Variants in PTPRT observed in about 807,000 individuals in gnomAD.
PTPRT encodes the protein protein tyrosine phosphatase receptor type T, also known as receptor-type tyrosine-protein phosphatase T.
PTPRT carries 56 observed loss-of-function variants against 176.8 expected under a neutral mutation model. The ratio of observed to expected loss-of-function variants is 0.32; its 90% confidence interval spans 0.26 to 0.40. The LOEUF (loss-of-function observed/expected upper bound fraction) is 0.40, where lower values mean the gene tolerates loss of function less well. PTPRT is among the 10% of genes least tolerant of loss of function. The probability of loss-of-function intolerance (pLI) is 1.00; values close to 1 mark genes in which losing one functional copy is unlikely to be tolerated. For synonymous variants in PTPRT, 783 were observed against 739.0 expected (o/e 1.06, Z -0.96); for missense variants, 1,540 against 1,908.2 (o/e 0.81, Z 3.60).
the PTPRT span, among the ~76,000 whole-genome samples, chr20:42,033,192 C>T: frequency 6.6e-6 from 1 of 152,204 alleles, no homozygotes; most frequent in South Asian, 2.1e-4. Flanking sequence ...GGTGGGTTAT[C>T]TGAGTGAGGA....
intron 12 of PTPRT, among the ~76,000 whole-genome samples, chr20:42,284,671 C>G (rs1240832429): frequency 6.6e-6 from 1 of 152,004 alleles, no homozygotes; most frequent in Non-Finnish European, 1.5e-5. Flanking sequence ...GACACTGATA[C>G]TCTGTCTATT....
intron 15 of PTPRT, among the ~76,000 whole-genome samples, chr20:42,203,806 G>T (rs1239754604): frequency 6.6e-6 from 1 of 152,224 alleles, no homozygotes; most frequent in African/African-American, 2.4e-5. Flanking sequence ...CTGTTGCTAT[G>T]TAAGAGCTAG....
intron 7 of PTPRT, among the ~76,000 whole-genome samples, chr20:42,504,627 A>G (rs1412094335): frequency 6.6e-6 from 1 of 152,048 alleles, no homozygotes. Flanking sequence ...GCCTATTTGC[A>G]TTATTACATT....
intron 8 of PTPRT, among the ~76,000 whole-genome samples, chr20:42,459,752 A>G (rs1020968638): frequency 6.6e-6 from 1 of 152,116 alleles, no homozygotes; most frequent in Non-Finnish European, 1.5e-5. Context: ...GTGCAGTGGT[A>G]CAATCATGGC....
chr20:42,957,286 C>A (rs1328298625), intron 1 of PTPRT, among the ~76,000 whole-genome samples: 1 of 152,176 alleles, frequency 6.6e-6, no homozygotes, highest in Non-Finnish European at 1.5e-5. Context: ...ATTAGGGGCC[C>A]TCGTAAACGT....
At chr20:42,850,442 A>G (rs208262) in intron 2 of PTPRT, among the ~76,000 whole-genome samples, 77,299 of 152,070 alleles carry the variant, frequency 0.51, 19,820 homozygotes, top group East Asian at 0.6. Context: ...ATTTGTTAAC[A>G]TGAGATGGAC....
intron 7 of PTPRT, among the ~76,000 whole-genome samples, chr20:42,664,046 C>T (rs933485701): frequency 3.3e-5 from 5 of 152,142 alleles, no homozygotes; most frequent in African/African-American, 1.2e-4. Context: ...CCTGTAAGAA[C>T]CTGCTTTGTT....
intron 1 of PTPRT, among the ~76,000 whole-genome samples, chr20:42,949,548 T>C (rs1016312968): frequency 4.6e-5 from 7 of 152,220 alleles, no homozygotes; most frequent in African/African-American, 1.4e-4. Flanking sequence ...GTTCCAGTTA[T>C]ATGGATTCAT....
chr20:43,180,341 A>ATCTCTC (rs71193679), intron 1 of PTPRT, among the ~76,000 whole-genome samples: 4,037 of 114,976 alleles, frequency 0.035, 172 homozygotes, highest in South Asian at 0.09. Context: ...AAATGAATCA[A>ATCTCTC]TCTCTCTCTC....
At chr20:42,861,073 C>G (rs2078652640) in intron 2 of PTPRT, among the ~76,000 whole-genome samples, 1 of 152,218 alleles carries the variant, frequency 6.6e-6, no homozygotes. Context: ...CTTCCTTACT[C>G]TCTGCTTCTA....
At chr20:42,118,043 A>G (rs1402561159) in intron 21 of PTPRT, among the ~76,000 whole-genome samples, 1 of 152,228 alleles carries the variant, frequency 6.6e-6, no homozygotes, top group East Asian at 1.9e-4. Context: ...TTGGGTCAAC[A>G]AAAACAGCCA....
chr20:42,913,323 T>C (rs1199276022), intron 1 of PTPRT, among the ~76,000 whole-genome samples: 1 of 152,142 alleles, frequency 6.6e-6, no homozygotes, highest in African/African-American at 2.4e-5. Flanking sequence ...AGAGGGAGAA[T>C]CTGTTCCATG....
At chr20:42,776,905 A>C (rs985178757) in intron 4 of PTPRT, among the ~76,000 whole-genome samples, 1 of 151,252 alleles carries the variant, frequency 6.6e-6, no homozygotes, top group African/African-American at 2.4e-5. Context: ...TAATTACTTT[A>C]TTTGTTTTGC....
rs1471904170 is a variant in PTPRT, at chr20:42,756,562, A to T, written c.759T>A (p.Ser253Arg). ...CGCTCCGCTGGGCAGTGTCTGCCAC[A>T]CTGACTGTGGCTGAGAAGCGCCTGT... ...VNHRRFSATV[S>R]VADTAQRSVS... is the part of the protein sequence containing the mutation. Residue 253 changes from serine to arginine, a missense_variant, in exon 6 of 31, where the codon AGT becomes AGA. Ser to Arg is a moderately radical substitution (Grantham distance 110). Around this residue, in one of 11 missense-constraint regions of PTPRT, gnomAD observed 273 missense variants for 432.1 expected, o/e 0.63. Transcript: ENST00000373187. The T allele has an allele frequency of 6.2e-7, 1 of 1,612,986 alleles. No homozygotes were observed. The highest frequency in any genetic ancestry group is 8.5e-7 in the Non-Finnish European group (1 of 1,179,364).
chr20:42,045,066 G>C, the PTPRT span, among the ~76,000 whole-genome samples: 1 of 152,126 alleles, frequency 6.6e-6, no homozygotes, highest in African/African-American at 2.4e-5. Flanking sequence ...GACTATGTTA[G>C]GTCTACCTGG....
intron 2 of PTPRT, among the ~76,000 whole-genome samples, chr20:42,850,549 C>T (rs897506674): frequency 6.6e-6 from 1 of 152,206 alleles, no homozygotes; most frequent in Non-Finnish European, 1.5e-5. Flanking sequence ...AATGTGCCTT[C>T]TACAGGCGAG....
At chr20:42,169,665 T>C (rs1248610954) in intron 16 of PTPRT, among the ~76,000 whole-genome samples, 2 of 151,112 alleles carry the variant, frequency 1.3e-5, no homozygotes, top group South Asian at 2.1e-4. Flanking sequence ...CAAGATAATA[T>C]GAGGTCTTAG....
At chr20:42,815,162 C>G (rs1257797345) in intron 2 of PTPRT, among the ~76,000 whole-genome samples, 1 of 152,088 alleles carries the variant, frequency 6.6e-6, no homozygotes, top group Non-Finnish European at 1.5e-5. Flanking sequence ...AGGCTTAGTC[C>G]TGAATTCATT....
intron 1 of PTPRT, among the ~76,000 whole-genome samples, chr20:43,012,847 C>A (rs924722534): frequency 6.6e-6 from 1 of 152,042 alleles, no homozygotes; most frequent in Non-Finnish European, 1.5e-5. Context: ...ATATCTCTTG[C>A]CTCCAGGTGG....
Sources: allele counts gnomAD v4.1 joint callset (sites outside exome capture counted in the v4.1 genomes callset), GRCh38; gene constraint gnomAD v4.1.1; regional missense constraint gnomAD v4.1.1; transcripts MANE v1.5; gene names NCBI Gene and HGNC (gene_info 2026-07-23, HGNC 2026-07-21).